RYR3: variants seen among roughly 807,000 people sequenced by gnomAD.
RYR3 encodes ryanodine receptor 3.
A neutral mutation model predicts 584.3 loss-of-function variants in RYR3; 207 were observed. The observed-to-expected ratio is 0.35, with a 90% CI of 0.32 to 0.40. RYR3 has a LOEUF of 0.40. RYR3 is among the 10% of genes least tolerant of loss of function. The pLI, the probability that RYR3 is intolerant of heterozygous loss-of-function variation, is 1.00. For synonymous variants in RYR3, 2,416 were observed against 2,248.5 expected, an observed-to-expected ratio of 1.07 and a Z score of -2.11; for missense variants, 5,616 against 6,089.2, an observed-to-expected ratio of 0.92 and a Z score of 2.59.
chr15:33,453,140 T>G (rs2047267215), intron 1 of RYR3, among the ~76,000 whole-genome samples: 1 of 152,164 alleles, frequency 6.6e-6, no homozygotes, highest in Admixed American at 6.5e-5. Flanking sequence ...ACAAGTTCTA[T>G]CTCAAAGCTC....
At chr15:33,605,925 T>G in intron 18 of RYR3, among the ~76,000 whole-genome samples, 1 of 152,308 alleles carries the variant, frequency 6.6e-6, no homozygotes, top group East Asian at 1.9e-4. Context: ...CTCCTTTTAT[T>G]TGAGATTTAA....
rs1454644317 is a variant in RYR3 at position 33,750,339 on chromosome 15, A to G, written c.8399+53A>G. On this transcript the variant is annotated intron_variant, in intron 57 of 103. Transcript: ENST00000634891. The stretch of plus-strand genomic sequence containing the variant: ...GGGACAGGGCTGTGCCTCCCTAGAT[A>G]TTTAATTACGTGCCTACAAAACCCA... 5.7e-6 allele frequency: 9 copies of G among 1,577,682 alleles called. No individual in the cohort carries two copies. In the East Asian group the frequency reaches 1.4e-4, roughly 24 times the overall value.
intron 2 of RYR3, among the ~76,000 whole-genome samples, chr15:33,484,325 A>G (rs563602974): frequency 6.6e-6 from 1 of 152,300 alleles, no homozygotes; most frequent in South Asian, 2.1e-4. Context: ...AGAAGGTTCC[A>G]AAAGATAGAA....
intron 8 of RYR3, 73 bp from the exon 9 acceptor site, chr15:33,548,057 C>T: frequency 1.9e-6 from 2 of 1,037,624 alleles, no homozygotes; most frequent in Non-Finnish European, 3.0e-6. Flanking sequence ...ACAGCCTCTG[C>T]AGGGAGCTGT....
chr15:33,616,830 G>C (rs1366248970), intron 19 of RYR3, among the ~76,000 whole-genome samples: 1 of 152,230 alleles, frequency 6.6e-6, no homozygotes, highest in Non-Finnish European at 1.5e-5. Context: ...GAACCACAGG[G>C]TCTGTGTAGT....
intron 77 of RYR3, 45 bp downstream of exon 77, chr15:33,819,852 C>T (rs1478215801): frequency 2.1e-6 from 3 of 1,454,914 alleles, no homozygotes; most frequent in Non-Finnish European, 2.8e-6. Context: ...TTCTGTCTTC[C>T]CTTAGATTTC....
chr15:33,347,054 C>T (rs138456074), intron 1 of RYR3, among the ~76,000 whole-genome samples: 4 of 152,210 alleles, frequency 2.6e-5, no homozygotes, highest in African/African-American at 4.8e-5. Flanking sequence ...ATGTAAAATG[C>T]CATTTTCATC....
At chr15:33,372,531 A>AT (rs1450234394) in intron 1 of RYR3, among the ~76,000 whole-genome samples, 1 of 151,280 alleles carries the variant, frequency 6.6e-6, no homozygotes, top group Non-Finnish European at 1.5e-5. Context: ...CGCCCAGCTA[A>AT]TTTTTTTGGA....
intron 101 of RYR3, 52 bp downstream of exon 101, chr15:33,860,711 C>T: frequency 7.6e-7 from 1 of 1,307,194 alleles, no homozygotes; most frequent in Non-Finnish European, 1.1e-6. Flanking sequence ...TCCCCAGAAG[C>T]AAATAGATTT....
intron 1 of RYR3, among the ~76,000 whole-genome samples, chr15:33,323,494 C>A (rs376564891): frequency 1.1e-4 from 16 of 152,050 alleles, no homozygotes; most frequent in South Asian, 2.1e-4. Flanking sequence ...TCAGACTATA[C>A]TTTGATGAGC....
intron 2 of RYR3, among the ~76,000 whole-genome samples, chr15:33,485,450 G>A (rs1268951540): frequency 2.0e-5 from 3 of 152,166 alleles, no homozygotes. Flanking sequence ...GGAGATACAG[G>A]AGAGGGAAGA....
intron 12 of RYR3, among the ~76,000 whole-genome samples, chr15:33,568,848 G>A (rs773478092): frequency 6.6e-6 from 1 of 152,112 alleles, no homozygotes; most frequent in Non-Finnish European, 1.5e-5. Context: ...GTTTATTCTA[G>A]TTGCCACCCA....
chr15:33,425,939 G>A (rs1167786929), intron 1 of RYR3, among the ~76,000 whole-genome samples: 1 of 152,146 alleles, frequency 6.6e-6, no homozygotes, highest in Non-Finnish European at 1.5e-5. Context: ...ACCGCGCCTG[G>A]ACTGTTTTTT....
chr15:33,617,757 C>T (rs949792919), intron 19 of RYR3, among the ~76,000 whole-genome samples: 6 of 124,050 alleles, frequency 4.8e-5, no homozygotes, highest in South Asian at 2.7e-4. Context: ...CCCTGCCAGC[C>T]GTCATCGAAG....
At chr15:33,611,486 G>T (rs1461291895) in intron 18 of RYR3, among the ~76,000 whole-genome samples, 1 of 151,788 alleles carries the variant, frequency 6.6e-6, no homozygotes, top group Non-Finnish European at 1.5e-5. Context: ...AACCCAGGAG[G>T]TGGAGCTTGC....
intron 48 of RYR3, among the ~76,000 whole-genome samples, chr15:33,733,381 C>T (rs2069129109): frequency 6.6e-6 from 1 of 152,150 alleles, no homozygotes; most frequent in Admixed American, 6.5e-5. Flanking sequence ...GATAAATAAA[C>T]TGTGGTACAT....
At chr15:33,411,670 GAGT>G (rs1466570939) in intron 1 of RYR3, among the ~76,000 whole-genome samples, 52 of 152,124 alleles carry the variant, frequency 3.4e-4, no homozygotes, top group Non-Finnish European at 2.9e-5. Context: ...TTCCCCTTAG[GAGT>G]TCATTTTCCT....
intron 97 of RYR3, 97 bp from the exon 98 acceptor site, chr15:33,854,669 C>G (rs945806544): frequency 4.5e-5 from 66 of 1,473,782 alleles, no homozygotes; most frequent in Non-Finnish European, 5.8e-5. Flanking sequence ...TAAACCCCCT[C>G]TATCCTCAGT....
chr15:33,852,252 C>G (rs946384625), intron 94 of RYR3: 4 of 152,104 alleles, frequency 2.6e-5, no homozygotes, highest in Non-Finnish European at 5.9e-5. Flanking sequence ...AGGAACCCCC[C>G]CACAGGAAGG....
Sources: gnomAD v4.1 joint callset for allele counts (sites outside exome capture counted in the v4.1 genomes callset) on GRCh38, gnomAD v4.1.1 for gene constraint, MANE v1.5 for transcripts, NCBI Gene and HGNC (gene_info 2026-07-23, HGNC 2026-07-21) for gene names.